DLGAP2: variants seen among roughly 807,000 people sequenced by gnomAD.
The protein encoded by DLGAP2 is DLG associated protein 2.
In DLGAP2, 26 loss-of-function variants were observed where a neutral mutation model predicts 100.3. The observed-to-expected ratio is 0.26, with a 90% confidence interval of 0.19 to 0.36. The LOEUF (loss-of-function observed/expected upper bound fraction) is 0.36. Among genes scored for constraint, DLGAP2 ranks in the 10% least tolerant of loss-of-function variants. The probability of loss-of-function intolerance (pLI) is 1.00; values close to 1 mark genes in which losing one functional copy is unlikely to be tolerated. For missense variants in DLGAP2, 1,858 were observed against 1,453.2 expected (o/e 1.28, Z -4.53); for synonymous variants, 886 against 630.1 (o/e 1.41, Z -6.08).
At chr8:995,593 G>A (rs568354725) in intron 2 of DLGAP2, among the ~76,000 whole-genome samples, 1 of 152,260 alleles carries the variant, frequency 6.6e-6, no homozygotes, top group East Asian at 1.9e-4. Flanking sequence ...CTTAGTTATA[G>A]GAAGAATCTC....
rs77319092 is a variant in DLGAP2 at position 1,583,458 on chromosome 8, G to A, written c.1442+17564G>A. 2.0e-3 allele frequency among the ~76,000 whole-genome samples: 311 copies of A among 152,342 alleles called. 4 individuals are homozygous for A. In the East Asian group the frequency reaches 0.045, roughly 22 times the overall value. Reference sequence around the variant, plus strand: ...GGGATCTCCTAGCATCCACTGGCCTGTGGCGGGTGGCTGTGCCTCCGTAGG... The same window carrying A: ...GGGATCTCCTAGCATCCACTGGCCTATGGCGGGTGGCTGTGCCTCCGTAGG... On this transcript the variant is annotated intron_variant, in intron 6 of 14. Transcript: ENST00000637795.
At position 1,549,614 on chromosome 8, in the gene DLGAP2, G is replaced by A. The variant is rs1480981379; in HGVS notation, c.1161G>A (p.Ser387=). Residue 387 remains serine, a synonymous_variant, in exon 5 of 15, where the codon TCG becomes TCA. Coordinates refer to ENST00000637795, the MANE Select transcript of DLGAP2 (RefSeq NM_001346810.2). ...SQAKEAYRKS[S]LNLDKPLLHQ... is the part of the protein sequence containing the mutation. ...CCAAGGAGGCCTACCGCAAGAGCTC[G>A]CTGAACCTGGACAAGCCGCTGCTGC... The A allele has an allele frequency of 4.4e-6, 7 of 1,585,336 alleles. No individual in the cohort carries two copies. The highest frequency in any genetic ancestry group is 6.0e-6 in the Non-Finnish European group (7 of 1,168,708).
chr8:1,390,671 T>C (rs191354750), intron 3 of DLGAP2, among the ~76,000 whole-genome samples: 49 of 152,270 alleles, frequency 3.2e-4, no homozygotes, highest in African/African-American at 9.9e-4. Flanking sequence ...GCCGCCAAGC[T>C]CTGATCTGAG....
At chr8:1,463,618 A>G (rs1396139253) in intron 3 of DLGAP2, among the ~76,000 whole-genome samples, 2 of 152,234 alleles carry the variant, frequency 1.3e-5, no homozygotes, top group South Asian at 2.1e-4. Flanking sequence ...ACATGTGTCA[A>G]ACAAAGCAAT....
At chr8:1,452,684 T>C (rs991524174) in intron 3 of DLGAP2, among the ~76,000 whole-genome samples, 6 of 152,198 alleles carry the variant, frequency 3.9e-5, no homozygotes, top group African/African-American at 1.4e-4. Context: ...AAAGGCTCTG[T>C]GCGGGTTCTG....
chr8:1,406,950 C>T (rs1449509782), intron 3 of DLGAP2, among the ~76,000 whole-genome samples: 29 of 34,460 alleles, frequency 8.4e-4, no homozygotes, highest in Non-Finnish European at 8.8e-4. Context: ...GCTTACTGAG[C>T]GCCACCTCCT....
At chr8:1,176,055 A>G (rs1489805947) in intron 2 of DLGAP2, among the ~76,000 whole-genome samples, 3 of 152,212 alleles carry the variant, frequency 2.0e-5, no homozygotes, top group East Asian at 1.9e-4. Flanking sequence ...CATACACTGC[A>G]TAAAAATACT....
At chr8:1,282,764 C>G (rs1401481365) in intron 3 of DLGAP2, among the ~76,000 whole-genome samples, 1 of 112,152 alleles carries the variant, frequency 8.9e-6, no homozygotes, top group Non-Finnish European at 1.9e-5. Context: ...ATCCAGCCCC[C>G]TGAACCATAC....
intron 1 of DLGAP2, among the ~76,000 whole-genome samples, chr8:777,004 T>G (rs1392646446): frequency 6.6e-6 from 1 of 152,116 alleles, no homozygotes; most frequent in Non-Finnish European, 1.5e-5. Context: ...TGTAGGTCAC[T>G]CAGGACTTGC....
chr8:1,379,422 T>G (rs1168319205), intron 3 of DLGAP2, among the ~76,000 whole-genome samples: 1 of 152,212 alleles, frequency 6.6e-6, no homozygotes, highest in Non-Finnish European at 1.5e-5. Context: ...GCAGGGAGAC[T>G]AAATACCTCA....
intron 13 of DLGAP2, among the ~76,000 whole-genome samples, chr8:1,692,600 G>A (rs1195956495): frequency 1.3e-5 from 2 of 152,096 alleles, no homozygotes; most frequent in Non-Finnish European, 2.9e-5. Context: ...TAGAAGAGGA[G>A]AAACAAGGGA....
At chr8:930,518 C>G (rs1798930927) in intron 2 of DLGAP2, among the ~76,000 whole-genome samples, 2 of 152,192 alleles carry the variant, frequency 1.3e-5, no homozygotes, top group South Asian at 4.1e-4. Flanking sequence ...GACTTCAATG[C>G]TGAGTCTTTT....
intron 1 of DLGAP2, among the ~76,000 whole-genome samples, chr8:742,968 C>T (rs1169909287): frequency 6.6e-6 from 1 of 152,188 alleles, no homozygotes; most frequent in African/African-American, 2.4e-5. Context: ...TTAGTCTTGA[C>T]TATTTTTATC....
chr8:1,067,691 G>C (rs1219419829), intron 2 of DLGAP2, among the ~76,000 whole-genome samples: 1 of 151,476 alleles, frequency 6.6e-6, no homozygotes, highest in Non-Finnish European at 1.5e-5. Flanking sequence ...GCAAAATTAA[G>C]TGGAAAGTGC....
chr8:1,292,164 G>A (rs7463557), intron 3 of DLGAP2, among the ~76,000 whole-genome samples: 2 of 152,142 alleles, frequency 1.3e-5, no homozygotes, highest in African/African-American at 4.8e-5. Flanking sequence ...GCTGGCTTTG[G>A]GGGGAAGCAT....
Position 1,417,698 on chromosome 8 carries a change from C to G in DLGAP2, c.107-83668C>G, listed in dbSNP as rs1679448078. On this transcript the variant is annotated intron_variant, in intron 3 of 14. Transcript: ENST00000637795. ...GGCTCCAGGGGGGCACAGGGGGCCCCACTCCTGCCTCACTCGGCGAGGCTC... is the reference window on the plus strand; with the variant it reads ...GGCTCCAGGGGGGCACAGGGGGCCCGACTCCTGCCTCACTCGGCGAGGCTC... 1.4e-5 allele frequency among the ~76,000 whole-genome samples: 2 copies of G among 145,924 alleles called. 1 individual carries two copies. Among genetic ancestry groups the G allele is most frequent in the Non-Finnish European group, 3.0e-5 (2 of 66,880 alleles).
Position 1,061,057 on chromosome 8 carries a change from G to A in DLGAP2, c.73+153091G>A, listed in dbSNP as rs182307218. Among the ~76,000 whole-genome samples, 371 of 152,316 alleles carry A rather than the reference G, an allele frequency of 2.4e-3. 1 individual carries two copies. Among genetic ancestry groups the A allele is most frequent in the African/African-American group, 8.8e-3 (366 of 41,568 alleles). ...AGTTCCCCCACGTGGGCAGAGGAAC[G>A]AATTCCCTGATGCACCCTACACCTT... On this transcript the variant is annotated intron_variant, in intron 2 of 14. Transcript: ENST00000637795.
At chr8:1,029,199 C>T (rs1398406545) in intron 2 of DLGAP2, among the ~76,000 whole-genome samples, 2 of 152,118 alleles carry the variant, frequency 1.3e-5, no homozygotes, top group African/African-American at 2.4e-5. Flanking sequence ...TGTAGAAAGT[C>T]CACAGAGCCT....
intron 3 of DLGAP2, among the ~76,000 whole-genome samples, chr8:1,346,161 A>G (rs1161412505): frequency 6.6e-6 from 1 of 152,072 alleles, no homozygotes; most frequent in African/African-American, 2.4e-5. Context: ...CTCTGATGGT[A>G]ACTGTGTGGA....
Sources: allele counts gnomAD v4.1 joint callset (sites outside exome capture counted in the v4.1 genomes callset), GRCh38; gene constraint gnomAD v4.1.1; transcripts MANE v1.5; gene names NCBI Gene and HGNC (gene_info 2026-07-23, HGNC 2026-07-21).